Variants in ANKS1B observed in about 807,000 individuals in gnomAD.
ANKS1B encodes ankyrin repeat and sterile alpha motif domain-containing protein 1B.
A neutral mutation model predicts 148.3 loss-of-function variants in ANKS1B; 36 were observed. That is an observed-to-expected ratio of 0.24 (90% CI 0.19 to 0.32). The LOEUF (loss-of-function observed/expected upper bound fraction) is 0.32, where lower values mean the gene tolerates loss of function less well. ANKS1B is among the 10% of genes least tolerant of loss of function. The pLI, the probability that ANKS1B is intolerant of heterozygous loss-of-function variation, is 1.00. For synonymous variants in ANKS1B, 542 were observed against 560.8 expected, an observed-to-expected ratio of 0.97 and a Z score of 0.47; for missense variants, 1,157 against 1,542.6, an observed-to-expected ratio of 0.75 and a Z score of 4.19.
At chr12:99,393,151 A>G (rs2094135651) in intron 12 of ANKS1B, among the ~76,000 whole-genome samples, 1 of 145,532 alleles carries the variant, frequency 6.9e-6, no homozygotes. Context: ...TACCTTTAAC[A>G]TAGATCCAGA....
At chr12:99,557,141 G>A (rs1277205117) in intron 9 of ANKS1B, among the ~76,000 whole-genome samples, 1 of 152,116 alleles carries the variant, frequency 6.6e-6, no homozygotes, top group Non-Finnish European at 1.5e-5. Context: ...TGATCAATGT[G>A]TGTCTTGGGG....
At chr12:99,599,265 C>T (rs911173485) in intron 9 of ANKS1B, among the ~76,000 whole-genome samples, 1 of 151,924 alleles carries the variant, frequency 6.6e-6, no homozygotes, top group African/African-American at 2.4e-5. Flanking sequence ...TCTATCACAA[C>T]AGTGATAGGG....
At chr12:98,963,120 G>C (rs1454387618) in intron 17 of ANKS1B, among the ~76,000 whole-genome samples, 3 of 151,274 alleles carry the variant, frequency 2.0e-5, no homozygotes, top group African/African-American at 7.3e-5. Context: ...AATTAAAATG[G>C]AGAAAACAAT....
chr12:99,210,203 C>T (rs764804491), intron 14 of ANKS1B, among the ~76,000 whole-genome samples: 5 of 152,150 alleles, frequency 3.3e-5, no homozygotes, highest in African/African-American at 1.2e-4. Context: ...CAGCCAGAAG[C>T]CCCTCTCCAA....
At chr12:99,183,158 T>C (rs2079342646) in intron 14 of ANKS1B, among the ~76,000 whole-genome samples, 2 of 152,182 alleles carry the variant, frequency 1.3e-5, no homozygotes, top group African/African-American at 4.8e-5. Context: ...GTTGCATCCA[T>C]ATCTGAAAAA....
chr12:99,863,708 C>A (rs147958332), intron 1 of ANKS1B, among the ~76,000 whole-genome samples: 4 of 149,646 alleles, frequency 2.7e-5, no homozygotes, highest in Non-Finnish European at 6.0e-5. Context: ...GAGCAAGACA[C>A]CGTCTCAAAA....
chr12:99,451,215 T>G (rs1304485549), intron 10 of ANKS1B, among the ~76,000 whole-genome samples: 1 of 152,052 alleles, frequency 6.6e-6, no homozygotes, highest in African/African-American at 2.4e-5. Context: ...GAATGTCAGT[T>G]TAGTCTATAA....
At chr12:99,356,062 G>C (rs1276436826) in intron 12 of ANKS1B, among the ~76,000 whole-genome samples, 1 of 152,060 alleles carries the variant, frequency 6.6e-6, no homozygotes, top group African/African-American at 2.4e-5. Context: ...TTAGAATATT[G>C]AGGGATTGGT....
chr12:99,595,715 C>T (rs1169751019), intron 9 of ANKS1B, among the ~76,000 whole-genome samples: 1 of 151,850 alleles, frequency 6.6e-6, no homozygotes, highest in Non-Finnish European at 1.5e-5. Flanking sequence ...AAACATGCCC[C>T]TGTATAATAC....
intron 12 of ANKS1B, among the ~76,000 whole-genome samples, chr12:99,274,256 G>A (rs2077410188): frequency 6.6e-6 from 1 of 152,122 alleles, no homozygotes; most frequent in Non-Finnish European, 1.5e-5. Flanking sequence ...CATCTGGAGA[G>A]ACTAAGAACA....
At chr12:98,875,807 T>C (rs78708548) in intron 17 of ANKS1B, among the ~76,000 whole-genome samples, 2,614 of 152,194 alleles carry the variant, frequency 0.017, 74 homozygotes, top group East Asian at 0.11. Flanking sequence ...AAAAAGTGCA[T>C]TGGTTTTGTG....
chr12:99,313,536 G>T (rs900104516), intron 12 of ANKS1B, among the ~76,000 whole-genome samples: 5 of 152,080 alleles, frequency 3.3e-5, no homozygotes, highest in Admixed American at 3.3e-4. Flanking sequence ...CTGGCAAACC[G>T]AATCCAGCAG....
At chr12:99,754,502 T>C (rs75149261) in intron 8 of ANKS1B, among the ~76,000 whole-genome samples, 2 of 152,146 alleles carry the variant, frequency 1.3e-5, no homozygotes, top group African/African-American at 4.8e-5. Context: ...ATGGATCACA[T>C]GAACCCAGCA....
intron 17 of ANKS1B, among the ~76,000 whole-genome samples, chr12:98,958,634 C>T (rs1401556557): frequency 6.6e-6 from 1 of 152,132 alleles, no homozygotes; most frequent in Non-Finnish European, 1.5e-5. Context: ...TTGCATTGTA[C>T]TGAATACTTT....
At chr12:99,237,441 A>G (rs2201161) in intron 14 of ANKS1B, among the ~76,000 whole-genome samples, 70,850 of 151,982 alleles carry the variant, frequency 0.47, 18,839 homozygotes, top group African/African-American at 0.74. Flanking sequence ...AAGAAAAATG[A>G]ATAGATTTGG....
exon 10 of ANKS1B, chr12:98,735,516 C>T (rs570058825): frequency 2.9e-6 from 2 of 692,604 alleles, no homozygotes; most frequent in Non-Finnish European, 5.5e-6. Context: ...AATACATCAA[C>T]CTTTCTATTT....
chr12:98,960,058 C>T (rs79738146), intron 17 of ANKS1B, among the ~76,000 whole-genome samples: 1,840 of 152,314 alleles, frequency 0.012, 43 homozygotes, highest in African/African-American at 0.042. Flanking sequence ...GGGGAATTCA[C>T]TGCCCTGAAG....
At chr12:98,822,242 C>T (rs571601176) in intron 19 of ANKS1B, among the ~76,000 whole-genome samples, 2 of 152,146 alleles carry the variant, frequency 1.3e-5, no homozygotes, top group East Asian at 3.9e-4. Context: ...CACAAACAGC[C>T]CTATTTCTAC....
intron 1 of ANKS1B, among the ~76,000 whole-genome samples, chr12:99,917,463 T>C (rs1437524262): frequency 6.6e-6 from 1 of 152,206 alleles, no homozygotes; most frequent in East Asian, 1.9e-4. Context: ...CTATTGACAG[T>C]GCTGAATGTC....
Sources: gnomAD v4.1 joint callset for allele counts (sites outside exome capture counted in the v4.1 genomes callset) on GRCh38, gnomAD v4.1.1 for gene constraint, MANE v1.5 for transcripts, NCBI Gene and HGNC (gene_info 2026-07-23, HGNC 2026-07-21) for gene names.